ASRGL1: variants seen among roughly 807,000 people sequenced by gnomAD.
ASRGL1 encodes asparaginase and isoaspartyl peptidase 1.
Under a neutral mutation model 22.4 loss-of-function variants are expected in ASRGL1, and 16 were observed. That is an observed-to-expected ratio of 0.71 (90% CI 0.48 to 1.08). The LOEUF (loss-of-function observed/expected upper bound fraction) is 1.08. Among genes scored for constraint, ASRGL1 ranks in the 50% least tolerant of loss-of-function variants. The probability of loss-of-function intolerance (pLI) is 0.00; values close to 1 mark genes in which losing one functional copy is unlikely to be tolerated. For missense variants in ASRGL1, 412 were observed against 410.1 expected (o/e 1.00, Z -0.04); for synonymous variants, 165 against 159.3 (o/e 1.04, Z -0.27).
In ASRGL1 at chr11:62,390,398, T is replaced by A. The variant is rs531446685; in HGVS notation, c.611-1124T>A. 2.0e-5 allele frequency among the ~76,000 whole-genome samples: 3 copies of A among 152,320 alleles called. No homozygotes were observed. In the East Asian group the frequency reaches 5.8e-4, roughly 29 times the overall value. ...CCTGGACAGTCATGGGGGACGGTAC[T>A]AGGCTCAGCAGTGGTCACCTCAGGC... On this transcript the variant is annotated intron_variant, in intron 5 of 6. Transcript: ENST00000415229.
chr11:62,357,319 G>A (rs1946326523), intron 4 of ASRGL1, 175 bp downstream of exon 4: 28 of 710,678 alleles, frequency 3.9e-5, no homozygotes, highest in African/African-American at 5.5e-5. Context: ...GTGCGATCTC[G>A]GCTCACTGCA....
At chr11:62,391,778 T>C in intron 6 of ASRGL1, 146 bp downstream of exon 6, 1 of 1,052,170 alleles carries the variant, frequency 9.5e-7, no homozygotes, top group Non-Finnish European at 1.3e-6. Context: ...TTGTTTTGAC[T>C]CTCCGCCTTC....
intron 4 of ASRGL1, among the ~76,000 whole-genome samples, chr11:62,365,457 G>A (rs1173985493): frequency 6.6e-6 from 1 of 152,084 alleles, no homozygotes; most frequent in Non-Finnish European, 1.5e-5. Flanking sequence ...GTGAGGCTGA[G>A]GCAGGGGAAT....
At chr11:62,343,087 G>GA (rs1227642522) in intron 2 of ASRGL1, among the ~76,000 whole-genome samples, 2 of 152,118 alleles carry the variant, frequency 1.3e-5, no homozygotes, top group African/African-American at 4.8e-5. Flanking sequence ...AACTTCAGTA[G>GA]AAACTACTGG....
chr11:62,357,280 C>A (rs1019097628), intron 4 of ASRGL1, 136 bp downstream of exon 4: 3 of 1,009,018 alleles, frequency 3.0e-6, no homozygotes, highest in Non-Finnish European at 2.7e-6. Flanking sequence ...CACGGAGTCT[C>A]TCTCTGTTGC....
At chr11:62,356,194 G>T in intron 2 of ASRGL1, 131 bp from the exon 3 acceptor site, 1 of 1,065,192 alleles carries the variant, frequency 9.4e-7, no homozygotes, top group Non-Finnish European at 1.3e-6. Context: ...CCCAGTAGGG[G>T]CAGCCGGGCA....
At chr11:62,379,637 CT>C (rs1173398087) in intron 4 of ASRGL1, among the ~76,000 whole-genome samples, 1 of 152,182 alleles carries the variant, frequency 6.6e-6, no homozygotes, top group East Asian at 1.9e-4. Context: ...CCATATACCC[CT>C]GTGGGAATTT....
intron 4 of ASRGL1, among the ~76,000 whole-genome samples, chr11:62,375,428 TTATATATATATATA>T (rs71053051): frequency 0.087 from 5,980 of 68,808 alleles, 354 homozygotes; most frequent in Middle Eastern, 0.12. Flanking sequence ...TTGTCTTACT[TTATATATATATATA>T]TATATATATA....
chr11:62,346,903 G>A (rs1343199784), intron 2 of ASRGL1, among the ~76,000 whole-genome samples: 1 of 151,424 alleles, frequency 6.6e-6, no homozygotes, highest in East Asian at 1.9e-4. Flanking sequence ...CTGAGAGACA[G>A]AGGTTGCAGT....
chr11:62,349,234 T>C (rs903337793), intron 2 of ASRGL1, among the ~76,000 whole-genome samples: 4 of 152,232 alleles, frequency 2.6e-5, no homozygotes, highest in African/African-American at 9.6e-5. Flanking sequence ...CCCAGAGTGC[T>C]GGGATTACCG....
intron 2 of ASRGL1, among the ~76,000 whole-genome samples, chr11:62,346,780 A>T (rs980828983): frequency 1.3e-5 from 2 of 151,616 alleles, no homozygotes; most frequent in Non-Finnish European, 2.9e-5. Flanking sequence ...GACCTGCCTG[A>T]GCAACATGGT....
At chr11:62,375,660 G>A (rs544207232) in intron 4 of ASRGL1, among the ~76,000 whole-genome samples, 1 of 151,584 alleles carries the variant, frequency 6.6e-6, no homozygotes, top group Non-Finnish European at 1.5e-5. Flanking sequence ...TGTGGGGCCA[G>A]GTACCCATAC....
Position 62,379,430 on chromosome 11 carries a change from C to T in ASRGL1, c.492-9703C>T, listed in dbSNP as rs183368439. Among the ~76,000 whole-genome samples, 19 of 152,258 alleles carry T rather than the reference C, an allele frequency of 1.2e-4. No homozygotes were observed. The East Asian group carries it at 1.9e-3, about 15-fold the overall frequency. On this transcript the variant is annotated intron_variant, in intron 4 of 6. Transcript: ENST00000415229. Reference sequence around the variant, plus strand: ...TCCTTTCTATTTATCTCACTGTTTCCAACCTTAATATAAGGCAGGAGTAAC... The same window carrying T: ...TCCTTTCTATTTATCTCACTGTTTCTAACCTTAATATAAGGCAGGAGTAAC...
At chr11:62,378,047 CTCT>C (rs1946972504) in intron 4 of ASRGL1, among the ~76,000 whole-genome samples, 1 of 152,096 alleles carries the variant, frequency 6.6e-6, no homozygotes, top group South Asian at 2.1e-4. Flanking sequence ...TCTGGGTCTC[CTCT>C]TAAGATAGAG....
chr11:62,393,750 A>G (rs1947392752), downstream of ASRGL1, among the ~76,000 whole-genome samples: 1 of 152,124 alleles, frequency 6.6e-6, no homozygotes, highest in Admixed American at 6.6e-5. Context: ...GATTGCCACA[A>G]CACGATTCCA....
At chr11:62,387,531 C>G (rs1947243774) in intron 4 of ASRGL1, among the ~76,000 whole-genome samples, 1 of 152,144 alleles carries the variant, frequency 6.6e-6, no homozygotes, top group South Asian at 2.1e-4. Flanking sequence ...TCTCTCCAGC[C>G]ACACTGGCCT....
intron 4 of ASRGL1, among the ~76,000 whole-genome samples, chr11:62,362,647 ATATAT>A (rs1946491968): frequency 4.2e-5 from 1 of 24,050 alleles, no homozygotes; most frequent in Non-Finnish European, 8.5e-5. Context: ...ATAATATATA[ATATAT>A]ATTATATAAA....
At chr11:62,395,903 C>G (rs1947428240), downstream of ASRGL1, among the ~76,000 whole-genome samples, 2 of 150,976 alleles carry the variant, frequency 1.3e-5, no homozygotes, top group South Asian at 4.2e-4. Flanking sequence ...TCCCGAGTAG[C>G]TGGGATTACA....
chr11:62,380,688 A>C (rs1372868029), intron 4 of ASRGL1, among the ~76,000 whole-genome samples: 1 of 152,158 alleles, frequency 6.6e-6, no homozygotes, highest in Non-Finnish European at 1.5e-5. Flanking sequence ...TATGTCCATG[A>C]GCAGTGGAAC....
Sources: gnomAD v4.1 joint callset for allele counts (sites outside exome capture counted in the v4.1 genomes callset) on GRCh38, gnomAD v4.1.1 for gene constraint, MANE v1.5 for transcripts, NCBI Gene and HGNC (gene_info 2026-07-23, HGNC 2026-07-21) for gene names.